The following TULP3 variants were observed in gnomAD, a reference collection of about 807,000 sequenced individuals.
TULP3 encodes TUB like protein 3, also known as tubby-related protein 3.
TULP3 carries 38 observed loss-of-function variants against 50.7 expected under a neutral mutation model. That is an observed-to-expected ratio of 0.75 (90% CI 0.58 to 0.98). The LOEUF (loss-of-function observed/expected upper bound fraction) is 0.98, where lower values mean the gene tolerates loss of function less well. Among genes scored for constraint, TULP3 ranks in the 50% least tolerant of loss-of-function variants. TULP3 has a pLI of 0.00. For synonymous variants in TULP3, 183 were observed against 196.6 expected, an observed-to-expected ratio of 0.93 and a Z score of 0.58; for missense variants, 550 against 568.0, an observed-to-expected ratio of 0.97 and a Z score of 0.32.
rs2098191315 is a variant in TULP3 at position 2,920,901 on chromosome 12, C to T, written c.232C>T (p.His78Tyr). The stretch of plus-strand genomic sequence containing the variant: ...TCCCTTGGTGAACTGTCATACTCCC[C>T]ACAGCAATGTCATCTTACATGGTGT... ...QTPLVNCHTP[H>Y]SNVILHGIDG... Residue 78 changes from histidine (H) to tyrosine (Y), a missense_variant, in exon 3 of 11, where the codon CAC (histidine) becomes TAC (tyrosine). His to Tyr is a moderately conservative substitution (Grantham distance 83). Coordinates refer to ENST00000448120, the MANE Select transcript of TULP3 (RefSeq NM_003324.5). 1.9e-6 allele frequency: 3 copies of T among 1,614,010 alleles called. No individual in the cohort carries two copies. Among genetic ancestry groups the T allele is most frequent in the Middle Eastern group, 1.6e-4 (1 of 6,084 alleles).
chr12:2,901,046 A>G (rs191929973), intron 1 of TULP3, among the ~76,000 whole-genome samples: 103 of 151,694 alleles, frequency 6.8e-4, no homozygotes, highest in Middle Eastern at 6.8e-3. Context: ...ATGACTAATC[A>G]TATTGGATAT....
At chr12:2,901,148 T>C (rs12815191) in intron 1 of TULP3, among the ~76,000 whole-genome samples, 72,221 of 151,286 alleles carry the variant, frequency 0.48, 17,715 homozygotes, top group African/African-American at 0.6. Flanking sequence ...AAAGGGTCTC[T>C]GTTCCCCAGG....
intron 7 of TULP3, among the ~76,000 whole-genome samples, chr12:2,934,195 C>G (rs1197329853): frequency 6.6e-6 from 1 of 151,858 alleles, no homozygotes; most frequent in Non-Finnish European, 1.5e-5. Context: ...CTGCAGTGAG[C>G]TATGATCCCT....
chr12:2,915,733 A>G (rs1171341328), intron 2 of TULP3, among the ~76,000 whole-genome samples: 1 of 151,844 alleles, frequency 6.6e-6, no homozygotes, highest in Non-Finnish European at 1.5e-5. Context: ...TTTAGTAGAG[A>G]TGGGATTTCA....
rs1308182743 is a variant in TULP3, at chr12:2,933,524, A to G, written c.803A>G (p.Lys268Arg). 1.2e-6 allele frequency: 2 copies of G among 1,610,430 alleles called. No individual in the cohort carries two copies. Among genetic ancestry groups the G allele is most frequent in the East Asian group, 2.2e-5 (1 of 44,878 alleles). ...LSREGESYVG[K>R]LRSNLMGTKF... ...CGTGAAGGAGAAAGTTATGTCGGCA[A>G]GCTTAGGTGAAAGCAACCTTAGATC... Residue 268 changes from lysine to arginine, a missense_variant, in exon 7 of 11, where the codon AAG becomes AGG. By Grantham distance (26) the Lys-to-Arg change is conservative (BLOSUM62 2). Coordinates refer to ENST00000448120, the MANE Select transcript of TULP3 (RefSeq NM_003324.5).
intron 2 of TULP3, 44 bp from the exon 3 acceptor site, chr12:2,920,719 T>C (rs765604038): frequency 1.8e-5 from 29 of 1,610,196 alleles, no homozygotes; most frequent in Admixed American, 3.4e-5. Flanking sequence ...GGTTAGGTCA[T>C]GTCAAAACTC....
At chr12:2,910,903 T>G (rs970631587) in intron 2 of TULP3, among the ~76,000 whole-genome samples, 5 of 152,188 alleles carry the variant, frequency 3.3e-5, no homozygotes, top group African/African-American at 9.6e-5. Context: ...CAAATTGTAT[T>G]TAGGGAGAAG....
In TULP3 at chr12:2,901,887, A is replaced by G. The variant is rs1274019512; in HGVS notation, c.42-7642A>G. On this transcript the variant is annotated intron_variant, in intron 1 of 10. Transcript: ENST00000448120. ...GATTTTTAAGTATGTGAATTTAAGT[A>G]AAAGTCATAATCATACCTACAGTTT... Among the ~76,000 whole-genome samples the G allele has an allele frequency of 4.6e-5, 7 of 152,346 alleles. No homozygotes were observed. In the East Asian group the frequency reaches 1.2e-3, roughly 25 times the overall value.
chr12:2,912,216 G>A (rs943524005), intron 2 of TULP3, among the ~76,000 whole-genome samples: 1 of 152,226 alleles, frequency 6.6e-6, no homozygotes, highest in Non-Finnish European at 1.5e-5. Flanking sequence ...CTTAAAGTCA[G>A]TTGGCCTCAG....
rs1477651947 is a variant in TULP3, at chr12:2,922,410, C to T, written c.394+8C>T. 4.4e-6 allele frequency: 7 copies of T among 1,602,920 alleles called. No homozygotes were observed. Among genetic ancestry groups the T allele is most frequent in the Non-Finnish European group, 5.9e-6 (7 of 1,177,456 alleles). On this transcript the variant is annotated splice_region_variant and intron_variant, in intron 4 of 10. Transcript: ENST00000448120. ...AGCGTCTCCAAAAGCATGGTGAGGACTGGTAATGATTTTAAGGCAATTTGT... is the reference window on the plus strand; with the variant it reads ...AGCGTCTCCAAAAGCATGGTGAGGATTGGTAATGATTTTAAGGCAATTTGT...
At chr12:2,906,908 C>T (rs1352329788) in intron 1 of TULP3, among the ~76,000 whole-genome samples, 1 of 150,984 alleles carries the variant, frequency 6.6e-6, no homozygotes, top group African/African-American at 2.4e-5. Flanking sequence ...AAGAGTGAAC[C>T]CTTCATCTCA....
intron 2 of TULP3, among the ~76,000 whole-genome samples, chr12:2,920,470 C>T (rs971667947): frequency 2.0e-5 from 3 of 151,778 alleles, no homozygotes; most frequent in Non-Finnish European, 4.4e-5. Flanking sequence ...GATGGTGCCA[C>T]TGCACTCAGC....
chr12:2,940,177 C>A lies in TULP3; in HGVS notation c.*733C>A, dbSNP rs1304902759. ...AGGACTGACAGTAATGTGATAATTG[C>A]CTTCATTTTCAACCCAGGAGTGCCT... On this transcript the variant is annotated 3_prime_UTR_variant, in exon 11 of 11. Transcript: ENST00000448120. 7.6e-7 allele frequency: 1 copy of A among 1,307,938 alleles called. No homozygotes were observed. The highest frequency in any genetic ancestry group is 1.2e-5 in the South Asian group (1 of 81,194). 81.0% of individuals were successfully genotyped at this position (1,307,938 alleles called of 1,614,324 possible). A position where few individuals can be genotyped will look rare whatever the true frequency, so the allele number is the denominator to read the frequency against.
chr12:2,932,937 ATTTTTAT>A (rs1410501522), intron 6 of TULP3, among the ~76,000 whole-genome samples: 1 of 149,526 alleles, frequency 6.7e-6, no homozygotes, highest in Non-Finnish European at 1.5e-5. Flanking sequence ...GAATTATTTT[ATTTTTAT>A]TTTTTATTTT....
intron 4 of TULP3, among the ~76,000 whole-genome samples, chr12:2,926,758 G>T: frequency 8.8e-6 from 1 of 114,236 alleles, no homozygotes; most frequent in Non-Finnish European, 1.8e-5. Flanking sequence ...AAAAAAAGTA[G>T]CCAGGTGTGG....
chr12:2,917,826 G>A (rs1422499483), intron 2 of TULP3, among the ~76,000 whole-genome samples: 7 of 151,562 alleles, frequency 4.6e-5, no homozygotes, highest in South Asian at 4.2e-4. Context: ...GCAGTGAGCC[G>A]AGATCGCGCC....
chr12:2,924,524 A>T (rs938450910), intron 4 of TULP3, among the ~76,000 whole-genome samples: 3 of 151,832 alleles, frequency 2.0e-5, no homozygotes, highest in Non-Finnish European at 2.9e-5. Context: ...ACAAAAAAAA[A>T]TTTTTAATTA....
intron 2 of TULP3, among the ~76,000 whole-genome samples, chr12:2,910,301 A>G (rs2098184748): frequency 6.6e-6 from 1 of 151,970 alleles, no homozygotes; most frequent in African/African-American, 2.4e-5. Context: ...TCCCCATCGC[A>G]TAGAGAATAA....
intron 1 of TULP3, among the ~76,000 whole-genome samples, chr12:2,900,870 G>A (rs2098178764): frequency 7.1e-6 from 1 of 141,062 alleles, no homozygotes; most frequent in Non-Finnish European, 1.5e-5. Context: ...CAACCAAGCC[G>A]AAATACTTTT....
Sources: allele counts gnomAD v4.1 joint callset (sites outside exome capture counted in the v4.1 genomes callset), GRCh38; gene constraint gnomAD v4.1.1; transcripts MANE v1.5; gene names NCBI Gene and HGNC (gene_info 2026-07-23, HGNC 2026-07-21).